Variants in MYH14 observed in about 807,000 individuals in gnomAD.
MYH14 encodes myosin-14.
MYH14 carries 123 observed loss-of-function variants against 255.5 expected under a neutral mutation model. That is an observed-to-expected ratio of 0.48 (90% CI 0.42 to 0.56). MYH14 has a LOEUF of 0.56. MYH14 is among the 20% of genes least tolerant of loss of function. MYH14 has a pLI of 0.00. For synonymous variants in MYH14, 1,095 were observed against 1,161.2 expected, an observed-to-expected ratio of 0.94 and a Z score of 1.16; for missense variants, 2,423 against 2,802.3, an observed-to-expected ratio of 0.86 and a Z score of 3.06.
rs1464748606 is a variant in MYH14 at position 50,217,703 on chromosome 19, A to G, written c.494A>G (p.Lys165Arg). 6.2e-7 allele frequency: 1 copy of G among 1,614,000 alleles called. No individual in the cohort carries two copies. The stretch of plus-strand genomic sequence containing the variant: ...GCCATTGTGGAGATGTACCGGGGCA[A>G]GAAGCGCCACGAGGTGCCACCCCAC... ...TEAIVEMYRG[K>R]KRHEVPPHVY... The change falls in exon 3 of 43, where the codon AAG becomes AGG. Residue 165 changes from lysine to arginine, a missense_variant. Physicochemically the swap from Lys to Arg is conservative, Grantham distance 26. Coordinates refer to ENST00000642316, the MANE Select transcript of MYH14 (RefSeq NM_001145809.2).
Position 50,307,152 on chromosome 19 carries a change from G to T in MYH14, c.5782G>T (p.Asp1928Tyr). 1 of 1,542,280 alleles carries T rather than the reference G, an allele frequency of 6.5e-7. No homozygotes were observed. The highest frequency in any genetic ancestry group is 1.2e-5 in the South Asian group (1 of 83,798). Residue 1928 changes from aspartate (D) to tyrosine (Y), a missense_variant, in exon 41 of 43, where the codon GAC (aspartate) becomes TAC (tyrosine). Transcript: ENST00000642316. The part of the protein sequence containing the change: ...EERRVADQLR[D>Y]QLEKGNLRVK... ...GCGGAGGGTGGCTGACCAGCTCCGG[G>T]ACCAGGTAAGCAGCTGGCATCATTA... is the stretch of plus-strand genomic sequence containing the variant.
At chr19:50,305,982 A>G (rs2036638175) in intron 40 of MYH14, among the ~76,000 whole-genome samples, 1 of 151,888 alleles carries the variant, frequency 6.6e-6, no homozygotes, top group Admixed American at 6.6e-5. Flanking sequence ...GATGATTCTT[A>G]GCTGAAGAAG....
At chr19:50,211,748 G>C (rs2032205077) in intron 2 of MYH14, among the ~76,000 whole-genome samples, 2 of 151,974 alleles carry the variant, frequency 1.3e-5, no homozygotes, top group South Asian at 4.2e-4. Flanking sequence ...TTGAGAGGCT[G>C]AGGTGGGTGG....
chr19:50,238,787 T>G (rs2033771241), intron 10 of MYH14, among the ~76,000 whole-genome samples: 1 of 152,096 alleles, frequency 6.6e-6, no homozygotes. Flanking sequence ...GCAAAGTCCC[T>G]TTTGCCATGG....
chr19:50,239,785 G>A (rs1411980053), intron 10 of MYH14, among the ~76,000 whole-genome samples: 1 of 151,906 alleles, frequency 6.6e-6, no homozygotes, highest in South Asian at 2.1e-4. Context: ...TCTTGACCTC[G>A]TGATCTGCCC....
Position 50,250,967 on chromosome 19 carries a change from T to C in MYH14, c.1830+279T>C, listed in dbSNP as rs890465574. Among the ~76,000 whole-genome samples, 1 of 152,202 alleles carries C rather than the reference T, an allele frequency of 6.6e-6. No homozygotes were observed. The highest frequency in any genetic ancestry group is 1.5e-5 in the Non-Finnish European group (1 of 68,040). On this transcript the variant is annotated intron_variant, in intron 15 of 42. Coordinates refer to ENST00000642316, the MANE Select transcript of MYH14 (RefSeq NM_001145809.2). This position sits in a 1 kb window ranked among gnomAD's most constrained non-coding sequence, Gnocchi z 5.4. Reference sequence around the variant, plus strand: ...ATTTTATCCACTTATTCAGCAGATATGTGCGGGGTGCCATTTGTGTGCCCA... The same window carrying C: ...ATTTTATCCACTTATTCAGCAGATACGTGCGGGGTGCCATTTGTGTGCCCA...
At chr19:50,236,289 T>G (rs781175376) in intron 10 of MYH14, among the ~76,000 whole-genome samples, 1 of 151,002 alleles carries the variant, frequency 6.6e-6, no homozygotes, top group Non-Finnish European at 1.5e-5. Flanking sequence ...ACCGAGATCA[T>G]GCCACTGCAC....
At chr19:50,267,062 G>T in intron 23 of MYH14, 54 bp downstream of exon 23, 6 of 1,480,368 alleles carry the variant, frequency 4.1e-6, no homozygotes, top group South Asian at 3.8e-5. Flanking sequence ...GGGCTGTGTC[G>T]CATGGGTGGA....
intron 39 of MYH14, among the ~76,000 whole-genome samples, chr19:50,297,590 C>G (rs1171962716): frequency 2.7e-5 from 4 of 149,296 alleles, no homozygotes; most frequent in Admixed American, 2.0e-4. Flanking sequence ...CTTCACCTCC[C>G]GGGTTCAAGC....
intron 1 of MYH14, among the ~76,000 whole-genome samples, chr19:50,206,640 A>G (rs2031771656): frequency 6.6e-6 from 1 of 151,464 alleles, no homozygotes; most frequent in Non-Finnish European, 1.5e-5. Flanking sequence ...ATGGGAGGAG[A>G]GGGTCTGGGA....
At chr19:50,304,326 A>AGG (rs2036586731) in intron 40 of MYH14, among the ~76,000 whole-genome samples, 1 of 152,236 alleles carries the variant, frequency 6.6e-6, no homozygotes, top group Non-Finnish European at 1.5e-5. Context: ...ATGGTGGCTC[A>AGG]CGCCTGTAAT....
intron 13 of MYH14, 98 bp downstream of exon 13, chr19:50,249,237 C>A: frequency 1.5e-6 from 2 of 1,364,478 alleles, no homozygotes; most frequent in East Asian, 5.0e-5. Context: ...GGTCTCTGTC[C>A]CCCTCTCTCT....
intron 33 of MYH14, among the ~76,000 whole-genome samples, chr19:50,284,453 G>C (rs1054744248): frequency 3.9e-5 from 6 of 152,106 alleles, no homozygotes; most frequent in Non-Finnish European, 7.3e-5. Flanking sequence ...TGCAACCTCT[G>C]CCTCCTGGGG....
rs760716630 is a variant in MYH14 at position 50,249,639 on chromosome 19, C to T, written c.1483-11C>T. The T allele has an allele frequency of 3.1e-6, 5 of 1,614,018 alleles. No homozygotes were observed. The highest frequency in any genetic ancestry group is 2.2e-5 in the East Asian group (1 of 44,888). ...CCATCCTCCCAGCTCACGTGTCCTG[C>T]GTCCCTGCAGCTGAACTCCTTCGAG... On this transcript the variant is annotated splice_polypyrimidine_tract_variant and intron_variant, in intron 13 of 42. Transcript: ENST00000642316.
Position 50,271,418 on chromosome 19 carries a change from G to T in MYH14, c.3043G>T (p.Ala1015Ser). The change falls in exon 25 of 43, where the codon GCC (alanine) becomes TCC (serine). Residue 1015 changes from alanine to serine, a missense_variant. This residue lies in a region of MYH14 where 1,513 missense variants were observed against 1,674.8 expected (regional missense o/e 0.90). Coordinates refer to ENST00000642316, the MANE Select transcript of MYH14 (RefSeq NM_001145809.2). ...RLQQHIQELE[A>S]HLEAEEGARQ... is the part of the protein sequence containing the mutation. ...TGCCTTCCCACCCCAGGAGCTAGAG[G>T]CCCACCTTGAGGCTGAGGAGGGTGC... 1 of 1,603,168 alleles carries T rather than the reference G, an allele frequency of 6.2e-7. No homozygotes were observed. Among genetic ancestry groups the T allele is most frequent in the East Asian group, 2.2e-5 (1 of 44,488 alleles).
chr19:50,238,214 G>C (rs997456470), intron 10 of MYH14, among the ~76,000 whole-genome samples: 1 of 152,198 alleles, frequency 6.6e-6, no homozygotes, highest in Non-Finnish European at 1.5e-5. Flanking sequence ...TGATGGGCGA[G>C]TCTGATGTCA....
rs3745502 is a variant in MYH14 at position 50,266,787 on chromosome 19, G to A, written c.2695-90G>A. 0.12 allele frequency: 176,668 copies of A among 1,513,214 alleles called. 11,923 individuals carry two copies. Among genetic ancestry groups the A allele is most frequent in the East Asian group, 0.26 (10,319 of 40,412 alleles). 93.7% of individuals were successfully genotyped at this position (1,513,214 alleles called of 1,614,324 possible). A position where few individuals can be genotyped will look rare whatever the true frequency, so the allele number is the denominator to read the frequency against. On this transcript the variant is annotated intron_variant, in intron 22 of 42. Transcript: ENST00000642316. The surrounding 1 kb of genome is among the most constrained non-coding windows in gnomAD (Gnocchi z 4.1). ...CACACAGCTAATAGGTGGAGGAGAA[G>A]GGATTTGAACCCAGAAACTCAAACC...
chr19:50,301,098 A>G (rs2036466472), intron 39 of MYH14, among the ~76,000 whole-genome samples: 2 of 152,196 alleles, frequency 1.3e-5, no homozygotes, highest in Admixed American at 1.3e-4. Context: ...AGCTGAATAA[A>G]TAAACGGGAA....
intron 10 of MYH14, among the ~76,000 whole-genome samples, chr19:50,236,879 C>T (rs1332674611): frequency 6.6e-6 from 1 of 152,084 alleles, no homozygotes; most frequent in Non-Finnish European, 1.5e-5. Flanking sequence ...GAGTTGTGCA[C>T]CTATCATACA....
Sources: gnomAD v4.1 joint callset for allele counts (sites outside exome capture counted in the v4.1 genomes callset) on GRCh38, gnomAD v4.1.1 for gene constraint, gnomAD v4.1.1 regional missense constraint, Gnocchi (gnomAD v3.1) non-coding constraint, MANE v1.5 for transcripts, NCBI Gene and HGNC (gene_info 2026-07-23, HGNC 2026-07-21) for gene names.